The following KPNA1 variants were observed in gnomAD, a reference collection of about 807,000 sequenced individuals.
The protein encoded by KPNA1 is importin subunit alpha-5.
A neutral mutation model predicts 70.5 loss-of-function variants in KPNA1; 10 were observed. The ratio of observed to expected loss-of-function variants is 0.14; its 90% CI spans 0.09 to 0.24. KPNA1 has a LOEUF of 0.24. Among genes scored for constraint, KPNA1 ranks in the 10% least tolerant of loss-of-function variants. The pLI, the probability that KPNA1 is intolerant of heterozygous loss-of-function variation, is 1.00. For synonymous variants in KPNA1, 192 were observed against 221.9 expected (o/e 0.87, Z 1.20); for missense variants, 397 against 637.9 (o/e 0.62, Z 4.07).
intron 1 of KPNA1, among the ~76,000 whole-genome samples, chr3:122,510,806 G>C (rs1417158921): frequency 6.6e-6 from 1 of 152,156 alleles, no homozygotes; most frequent in African/African-American, 2.4e-5. Context: ...GCAGAGGCTG[G>C]GACAGGGAAC....
At chr3:122,452,667 AAGAGAAGG>A (rs2076220717) in intron 6 of KPNA1, among the ~76,000 whole-genome samples, 2 of 86,612 alleles carry the variant, frequency 2.3e-5, no homozygotes, top group South Asian at 5.5e-4. Context: ...GGGAGGAAGC[AAGAGAAGG>A]AGGGAAGGAG....
intron 1 of KPNA1, among the ~76,000 whole-genome samples, chr3:122,497,711 G>C (rs909390466): frequency 6.6e-6 from 1 of 152,080 alleles, no homozygotes; most frequent in Non-Finnish European, 1.5e-5. Context: ...TGGTAACTGT[G>C]TATCTCCCAT....
chr3:122,496,068 C>T (rs140402095), intron 2 of KPNA1, among the ~76,000 whole-genome samples: 1 of 152,220 alleles, frequency 6.6e-6, no homozygotes. Flanking sequence ...TTTAAGTTTA[C>T]AATGAACAGC....
At chr3:122,503,115 G>C (rs2076848801) in intron 1 of KPNA1, among the ~76,000 whole-genome samples, 1 of 151,880 alleles carries the variant, frequency 6.6e-6, no homozygotes, top group Non-Finnish European at 1.5e-5. Flanking sequence ...TCAGTTTCAG[G>C]TCAAAAAAAG....
rs201591463 is a variant in KPNA1, at chr3:122,461,293, A to G, written c.363T>C (p.Val121=). 25 of 1,612,700 alleles carry G rather than the reference A, an allele frequency of 1.6e-5. No individual in the cohort carries two copies. The highest frequency in any genetic ancestry group is 5.0e-5 in the Admixed American group (3 of 59,944). The part of the protein sequence containing the change: ...SKEPNPPIDE[V]ISTPGVVARF... ...TGGCCACTACTCCTGGTGTGCTGAT[A>G]ACTTCATCAATAGGAGGGTTAGGTT... is the stretch of plus-strand genomic sequence containing the variant. The change falls in exon 5 of 14, where the codon GTT becomes GTC. Residue 121 remains valine, a synonymous_variant. Coordinates refer to ENST00000344337, the MANE Select transcript of KPNA1 (RefSeq NM_002264.4).
chr3:122,512,783 C>T (rs985809945), intron 1 of KPNA1, among the ~76,000 whole-genome samples: 2 of 152,196 alleles, frequency 1.3e-5, no homozygotes, highest in Non-Finnish European at 2.9e-5. Context: ...TGATACCTTT[C>T]TAATTTAGTT....
At chr3:122,427,838 CTCTT>C (rs1396992149) in intron 12 of KPNA1, 122 bp from the exon 13 acceptor site, 119 of 578,448 alleles carry the variant, frequency 2.1e-4, no homozygotes, top group Non-Finnish European at 1.4e-5. Flanking sequence ...AAAACAAGCA[CTCTT>C]TCAACCATAC....
chr3:122,495,368 T>G (rs1041447849), intron 2 of KPNA1, among the ~76,000 whole-genome samples: 7 of 148,702 alleles, frequency 4.7e-5, no homozygotes, highest in Admixed American at 4.0e-4. Flanking sequence ...TAAGAGAAAA[T>G]TAAGTGGATA....
chr3:122,510,614 T>C (rs2107513123), intron 1 of KPNA1, among the ~76,000 whole-genome samples: 1 of 152,312 alleles, frequency 6.6e-6, no homozygotes, highest in South Asian at 2.1e-4. Flanking sequence ...AGTGTGTGCA[T>C]ATGGCAGGTG....
Position 122,463,973 on chromosome 3 carries a change from T to C in KPNA1, c.306A>G (p.Ala102=), listed in dbSNP as rs2076353855. Residue 102 remains alanine, a synonymous_variant, in exon 4 of 14, where the codon GCA becomes GCG. Transcript: ENST00000344337. ...FSKSPEQQLS[A]TQKFRKLLSK... ...AAAGCAGCTTCCTGAATTTCTGTGT[T>C]GCTGAAAGCTGTTGCTCTGGGCTTT... 1 of 1,606,076 alleles carries C rather than the reference T, an allele frequency of 6.2e-7. No homozygotes were observed. Among genetic ancestry groups the C allele is most frequent in the African/African-American group, 1.3e-5 (1 of 74,772 alleles).
chr3:122,429,022 T>G (rs1365619592), intron 12 of KPNA1, among the ~76,000 whole-genome samples: 2 of 152,200 alleles, frequency 1.3e-5, no homozygotes, highest in South Asian at 4.1e-4. Context: ...AAGAATTATA[T>G]ACCAAGTGGA....
At chr3:122,453,014 T>C (rs993691835) in intron 6 of KPNA1, among the ~76,000 whole-genome samples, 3 of 152,090 alleles carry the variant, frequency 2.0e-5, no homozygotes, top group African/African-American at 4.8e-5. Context: ...TGGTGTGATA[T>C]CGGCTCACTG....
At chr3:122,471,154 G>C (rs993554070) in intron 2 of KPNA1, among the ~76,000 whole-genome samples, 1 of 152,190 alleles carries the variant, frequency 6.6e-6, no homozygotes, top group African/African-American at 2.4e-5. Flanking sequence ...TTCTGACATA[G>C]AAGCTGGGCC....
chr3:122,441,775 AT>A (rs1333163374), intron 10 of KPNA1, among the ~76,000 whole-genome samples: 1 of 151,840 alleles, frequency 6.6e-6, no homozygotes, highest in Non-Finnish European at 1.5e-5. Flanking sequence ...AATTTTTTGT[AT>A]TTTTAGTAGA....
chr3:122,446,414 G>A (rs1261267989), intron 9 of KPNA1, among the ~76,000 whole-genome samples: 1 of 152,232 alleles, frequency 6.6e-6, no homozygotes, highest in Non-Finnish European at 1.5e-5. Context: ...ACCTGATCCT[G>A]AATGACTACT....
At chr3:122,485,750 T>C (rs1288855716) in intron 2 of KPNA1, among the ~76,000 whole-genome samples, 2 of 152,110 alleles carry the variant, frequency 1.3e-5, no homozygotes, top group Non-Finnish European at 1.5e-5. Flanking sequence ...TTAATAATAA[T>C]GTATTACATA....
intron 9 of KPNA1, 103 bp from the exon 10 acceptor site, chr3:122,442,219 G>A: frequency 2.4e-6 from 2 of 841,970 alleles, no homozygotes; most frequent in Middle Eastern, 2.3e-4. Flanking sequence ...TAGAATTTTA[G>A]AGCAGAAATG....
At chr3:122,452,595 A>AAGGAAGGAAGGG (rs2076217861) in intron 6 of KPNA1, among the ~76,000 whole-genome samples, 1 of 92,038 alleles carries the variant, frequency 1.1e-5, no homozygotes, top group African/African-American at 4.2e-5. Context: ...GGAAGGAAGG[A>AAGGAAGGAAGGG]AGGAAGGAAG....
chr3:122,495,156 A>G (rs544027165), intron 2 of KPNA1, among the ~76,000 whole-genome samples: 46 of 151,546 alleles, frequency 3.0e-4, no homozygotes, highest in Non-Finnish European at 4.6e-4. Context: ...AGGCTGAGAC[A>G]GGAGAATCGC....
Sources: allele counts gnomAD v4.1 joint callset (sites outside exome capture counted in the v4.1 genomes callset), GRCh38; gene constraint gnomAD v4.1.1; transcripts MANE v1.5; gene names NCBI Gene and HGNC (gene_info 2026-07-23, HGNC 2026-07-21).